Variants in PDE10A observed in about 807,000 individuals in gnomAD.
PDE10A encodes phosphodiesterase 10A, also known as cAMP and cAMP-inhibited cGMP 3',5'-cyclic phosphodiesterase 10A.
PDE10A carries 39 observed loss-of-function variants against 97.7 expected under a neutral mutation model. The ratio of observed to expected loss-of-function variants is 0.40; its 90% CI spans 0.31 to 0.52. The LOEUF is 0.52. Among genes scored for constraint, PDE10A ranks in the 20% least tolerant of loss-of-function variants. The probability of loss-of-function intolerance (pLI) is 0.56; values close to 1 mark genes in which losing one functional copy is unlikely to be tolerated. For missense variants in PDE10A, 731 were observed against 1,047.8 expected (o/e 0.70, Z 4.17); for synonymous variants, 371 against 376.8 (o/e 0.98, Z 0.18).
rs541410594 is a variant in PDE10A at position 165,456,212 on chromosome 6, C to T, written c.1024-5850G>A. 7.9e-5 allele frequency among the ~76,000 whole-genome samples: 12 copies of T among 152,272 alleles called. No individual in the cohort carries two copies. The East Asian group carries it at 2.1e-3, about 27-fold the overall frequency. ...GGAGCTTCTATGAGAATGAAGCTAG[C>T]CTAAAAGAAAGCTGAGCCAAACAAT... On this transcript the variant is annotated intron_variant, in intron 3 of 21. Transcript: ENST00000539869.
At chr6:165,633,481 G>A (rs1291210908) in intron 1 of PDE10A, among the ~76,000 whole-genome samples, 1 of 152,144 alleles carries the variant, frequency 6.6e-6, no homozygotes. Context: ...CCTCGGAAGG[G>A]AGAAAGAAGA....
chr6:165,719,988 C>T lies in PDE10A; in HGVS notation c.-614-176420G>A, dbSNP rs115846002. ...ACAGAGTCCACAAAGGTGTGTAAAACGTGAGGATCGGGGAGGAACTGCTGC... is the reference window on the plus strand; with the variant it reads ...ACAGAGTCCACAAAGGTGTGTAAAATGTGAGGATCGGGGAGGAACTGCTGC... On this transcript the variant is annotated intron_variant, in intron 1 of 19. Coordinates refer to the PDE10A transcript ENST00000366882. 2.7e-3 allele frequency among the ~76,000 whole-genome samples: 409 copies of T among 152,286 alleles called. 2 individuals are homozygous for T. Among genetic ancestry groups the T allele is most frequent in the African/African-American group, 9.4e-3 (390 of 41,582 alleles).
chr6:165,877,481 C>T (rs1219027599), intron 1 of PDE10A, among the ~76,000 whole-genome samples: 1 of 152,062 alleles, frequency 6.6e-6, no homozygotes, highest in African/African-American at 2.4e-5. Context: ...CAGTTGTTCC[C>T]GAAATTCTCT....
At chr6:165,827,116 T>C (rs572547712) in intron 1 of PDE10A, among the ~76,000 whole-genome samples, 3 of 152,274 alleles carry the variant, frequency 2.0e-5, no homozygotes, top group African/African-American at 7.2e-5. Flanking sequence ...AGAGCCTGAC[T>C]TCCTGCGGGC....
intron 2 of PDE10A, among the ~76,000 whole-genome samples, chr6:165,503,203 G>A (rs569924697): frequency 2.0e-5 from 3 of 152,192 alleles, no homozygotes; most frequent in South Asian, 4.2e-4. Flanking sequence ...AGATGTTCAC[G>A]TGTCCCTCAT....
intron 2 of PDE10A, among the ~76,000 whole-genome samples, chr6:165,516,707 T>A (rs543362548): frequency 3.6e-4 from 55 of 152,316 alleles, no homozygotes; most frequent in African/African-American, 1.3e-3. Context: ...TTGTTTTTCC[T>A]CATTATTTAT....
At chr6:165,888,528 C>T (rs1239633269) in intron 1 of PDE10A, among the ~76,000 whole-genome samples, 1 of 151,974 alleles carries the variant, frequency 6.6e-6, no homozygotes, top group East Asian at 1.9e-4. Flanking sequence ...TCATGCTCCA[C>T]CCGCCTCAGC....
At chr6:165,842,275 C>T (rs997430766) in intron 1 of PDE10A, among the ~76,000 whole-genome samples, 6 of 152,124 alleles carry the variant, frequency 3.9e-5, no homozygotes, top group Non-Finnish European at 5.9e-5. Flanking sequence ...CAGATAACAG[C>T]GTTGATCTCT....
At chr6:165,382,394 G>A (rs1241233325) in intron 17 of PDE10A, among the ~76,000 whole-genome samples, 1 of 152,144 alleles carries the variant, frequency 6.6e-6, no homozygotes, top group Admixed American at 6.5e-5. Flanking sequence ...TGATGGCAAT[G>A]CCTTTACAAT....
At chr6:165,786,249 T>C (rs747854739) in intron 1 of PDE10A, among the ~76,000 whole-genome samples, 4 of 152,166 alleles carry the variant, frequency 2.6e-5, no homozygotes, top group Non-Finnish European at 5.9e-5. Context: ...CAGTGTACAC[T>C]GTGAGTGTCC....
intron 1 of PDE10A, among the ~76,000 whole-genome samples, chr6:165,580,362 G>GC (rs1785544812): frequency 6.6e-6 from 1 of 152,156 alleles, no homozygotes; most frequent in South Asian, 2.1e-4. Context: ...AGGTAGTGAT[G>GC]CAAGAAGGGC....
In PDE10A at chr6:165,429,403, C is replaced by T. The variant is rs1159932612; in HGVS notation, c.1602-694G>A. The stretch of plus-strand genomic sequence containing the variant: ...GCTAGGTAGTGTTTAACCTAGTTGG[C>T]TCAGGTATCCAAGGGGAGCTTTTTC... On this transcript the variant is annotated intron_variant, in intron 9 of 21. Transcript: ENST00000539869. 1.1e-4 allele frequency among the ~76,000 whole-genome samples: 17 copies of T among 152,120 alleles called. No homozygotes were observed. In the East Asian group the frequency reaches 3.1e-3, roughly 28 times the overall value.
chr6:165,358,439 T>C (rs1042654776), intron 18 of PDE10A, among the ~76,000 whole-genome samples: 3 of 152,110 alleles, frequency 2.0e-5, no homozygotes, highest in Non-Finnish European at 2.9e-5. Context: ...CAGAGTAAAC[T>C]TGACCTCTTT....
At chr6:165,615,695 A>G (rs994453891) in intron 1 of PDE10A, among the ~76,000 whole-genome samples, 2 of 152,246 alleles carry the variant, frequency 1.3e-5, no homozygotes, top group African/African-American at 4.8e-5. Flanking sequence ...GTCAGTTTAG[A>G]TAATTAATTT....
chr6:165,843,251 C>T (rs977070444), intron 1 of PDE10A, among the ~76,000 whole-genome samples: 4 of 152,056 alleles, frequency 2.6e-5, no homozygotes, highest in Non-Finnish European at 5.9e-5. Flanking sequence ...CTTATAGGCT[C>T]GCAAGGTGGC....
chr6:165,943,226 AGAAAGAAAGAAGGAAGGAAGGAAG>A (rs1438966288), intron 1 of PDE10A, among the ~76,000 whole-genome samples: 13 of 50,058 alleles, frequency 2.6e-4, no homozygotes, highest in Non-Finnish European at 4.5e-4. Context: ...AAAGAAAGAA[AGAAAGAAAGAAGGAAGGAAGGAAG>A]GAAGGAAGGA....
chr6:165,444,475 A>C (rs1790695234), intron 5 of PDE10A, among the ~76,000 whole-genome samples: 1 of 152,198 alleles, frequency 6.6e-6, no homozygotes, highest in African/African-American at 2.4e-5. Context: ...ATAATTAAAA[A>C]TACTACTATT....
intron 1 of PDE10A, among the ~76,000 whole-genome samples, chr6:165,947,775 A>G (rs1306257881): frequency 6.6e-6 from 1 of 152,152 alleles, no homozygotes; most frequent in African/African-American, 2.4e-5. Context: ...GCCAACAGGA[A>G]GGGGCTTCTC....
intron 1 of PDE10A, among the ~76,000 whole-genome samples, chr6:165,880,521 G>T (rs1781445025): frequency 2.0e-5 from 3 of 152,152 alleles, no homozygotes; most frequent in African/African-American, 7.2e-5. Flanking sequence ...TTCTCATTTT[G>T]CCCTGAACAC....
Sources: gnomAD v4.1 joint callset for allele counts (sites outside exome capture counted in the v4.1 genomes callset) on GRCh38, gnomAD v4.1.1 for gene constraint, MANE v1.5 for transcripts, NCBI Gene and HGNC (gene_info 2026-07-23, HGNC 2026-07-21) for gene names.